Variants in TRPM3 observed in about 807,000 individuals in gnomAD.
TRPM3 encodes transient receptor potential cation channel subfamily M member 3.
Under a neutral mutation model 181.2 loss-of-function variants are expected in TRPM3, and 77 were observed. The observed-to-expected ratio is 0.42, with a 90% CI of 0.35 to 0.51. The LOEUF (loss-of-function observed/expected upper bound fraction) is 0.51. TRPM3 is among the 20% of genes least tolerant of loss of function. The probability of loss-of-function intolerance (pLI) is 0.01; values close to 1 mark genes in which losing one functional copy is unlikely to be tolerated. For missense variants in TRPM3, 1,759 were observed against 2,196.7 expected, an observed-to-expected ratio of 0.80 and a Z score of 3.98; for synonymous variants, 745 against 796.4, an observed-to-expected ratio of 0.94 and a Z score of 1.09.
intron 21 of TRPM3, among the ~76,000 whole-genome samples, chr9:70,592,976 C>T (rs1235374367): frequency 2.6e-5 from 4 of 152,094 alleles, no homozygotes; most frequent in Non-Finnish European, 2.9e-5. Flanking sequence ...GTGAGCCACC[C>T]GCCTCGGCCT....
At chr9:70,577,098 A>T (rs1361681566) in intron 22 of TRPM3, among the ~76,000 whole-genome samples, 2 of 152,160 alleles carry the variant, frequency 1.3e-5, no homozygotes, top group African/African-American at 4.8e-5. Flanking sequence ...GGCAGTTATG[A>T]CCACCCCAAA....
At chr9:71,408,715 C>A (rs542851647) in intron 1 of TRPM3, among the ~76,000 whole-genome samples, 2 of 152,224 alleles carry the variant, frequency 1.3e-5, no homozygotes, top group South Asian at 4.1e-4. Flanking sequence ...CCCAACCTAG[C>A]AAGGCAGGCC....
At chr9:70,670,457 G>A (rs940731678) in intron 9 of TRPM3, among the ~76,000 whole-genome samples, 1 of 152,156 alleles carries the variant, frequency 6.6e-6, no homozygotes, top group Non-Finnish European at 1.5e-5. Flanking sequence ...TCTGTTATTG[G>A]ACTGAGATCT....
intron 1 of TRPM3, among the ~76,000 whole-genome samples, chr9:70,926,533 T>C (rs1235620719): frequency 6.6e-6 from 1 of 152,174 alleles, no homozygotes; most frequent in East Asian, 1.9e-4. Context: ...GTTGAACTAC[T>C]TTAGATCTTA....
intron 1 of TRPM3, among the ~76,000 whole-genome samples, chr9:71,011,055 G>T (rs1054955614): frequency 1.3e-5 from 2 of 151,994 alleles, no homozygotes; most frequent in African/African-American, 4.8e-5. Flanking sequence ...AAATAAGCCA[G>T]GCACAGAAAG....
intron 1 of TRPM3, among the ~76,000 whole-genome samples, chr9:70,955,157 T>C (rs1342516990): frequency 6.6e-6 from 1 of 152,168 alleles, no homozygotes; most frequent in African/African-American, 2.4e-5. Context: ...TTACAGTCTT[T>C]TATGCTCGAG....
At chr9:71,395,991 A>G (rs915260215) in intron 1 of TRPM3, among the ~76,000 whole-genome samples, 3 of 152,188 alleles carry the variant, frequency 2.0e-5, no homozygotes, top group African/African-American at 7.2e-5. Flanking sequence ...AGAAAAGCTA[A>G]AAAAGCAAAA....
At chr9:71,190,505 C>G (rs777980635) in intron 1 of TRPM3, among the ~76,000 whole-genome samples, 1 of 151,790 alleles carries the variant, frequency 6.6e-6, no homozygotes, top group Non-Finnish European at 1.5e-5. Context: ...TATAAAATAT[C>G]TGAAAACATA....
chr9:70,834,009 T>C (rs1431580556), intron 5 of TRPM3, among the ~76,000 whole-genome samples: 1 of 152,056 alleles, frequency 6.6e-6, no homozygotes, highest in Non-Finnish European at 1.5e-5. Context: ...AAAGGATCTG[T>C]GGTTCCTCAC....
chr9:70,957,990 C>G (rs139087918), intron 1 of TRPM3, among the ~76,000 whole-genome samples: 10 of 152,308 alleles, frequency 6.6e-5, no homozygotes, highest in African/African-American at 2.2e-4. Flanking sequence ...GCTTTAGCAA[C>G]CAGAAAATTA....
intron 1 of TRPM3, among the ~76,000 whole-genome samples, chr9:71,372,622 C>CCA (rs1184414259): frequency 6.6e-6 from 1 of 152,036 alleles, no homozygotes; most frequent in African/African-American, 2.4e-5. Context: ...GAGCTTTTTA[C>CCA]CATATGCTTG....
chr9:70,823,139 C>A (rs1363150196), intron 6 of TRPM3, among the ~76,000 whole-genome samples: 1 of 152,160 alleles, frequency 6.6e-6, no homozygotes, highest in Admixed American at 6.5e-5. Flanking sequence ...CCCCCGACCC[C>A]ACGCACACAC....
chr9:71,030,767 C>T (rs933021501), intron 1 of TRPM3, among the ~76,000 whole-genome samples: 6 of 152,136 alleles, frequency 3.9e-5, no homozygotes, highest in African/African-American at 1.4e-4. Context: ...TGAATCCACA[C>T]TTAGGATTTA....
intron 7 of TRPM3, among the ~76,000 whole-genome samples, chr9:70,780,185 T>C (rs539401864): frequency 6.6e-6 from 1 of 152,308 alleles, no homozygotes; most frequent in African/African-American, 2.4e-5. Flanking sequence ...GGCTTTTTTT[T>C]ACTCCTTTAA....
At chr9:70,538,602 A>C (rs953371219) in intron 25 of TRPM3, among the ~76,000 whole-genome samples, 2 of 145,642 alleles carry the variant, frequency 1.4e-5, no homozygotes, top group African/African-American at 5.2e-5. Flanking sequence ...TGTTTTTTAA[A>C]TTTTTTGTAG....
intron 1 of TRPM3, among the ~76,000 whole-genome samples, chr9:71,033,508 C>T (rs1001424138): frequency 3.9e-5 from 6 of 152,048 alleles, no homozygotes; most frequent in Non-Finnish European, 7.4e-5. Context: ...ATAATAGACA[C>T]TGAAATAAAT....
At chr9:71,399,067 T>TA (rs999414420) in intron 1 of TRPM3, among the ~76,000 whole-genome samples, 2 of 152,052 alleles carry the variant, frequency 1.3e-5, no homozygotes, top group African/African-American at 4.8e-5. Flanking sequence ...ATTTATCTTC[T>TA]AAAAAAATCA....
At chr9:71,279,510 C>G (rs2084529385) in intron 1 of TRPM3, among the ~76,000 whole-genome samples, 1 of 152,162 alleles carries the variant, frequency 6.6e-6, no homozygotes, top group Non-Finnish European at 1.5e-5. Flanking sequence ...TTTTACCATG[C>G]ACATGTGTTT....
rs773837242 is a variant in TRPM3 at position 70,689,880 on chromosome 9, T to A, written c.1273-8302A>T. On this transcript the variant is annotated intron_variant, in intron 8 of 25. Transcript: ENST00000677713. ...CACCTAAATAACAAGACATAGTATA[T>A]GTGGCTGAGTTAGTCACAGACTTTC... Among the ~76,000 whole-genome samples, 4 of 152,294 alleles carry A rather than the reference T, an allele frequency of 2.6e-5. No individual in the cohort carries two copies. The South Asian group carries it at 8.3e-4, about 32-fold the overall frequency.
Sources: allele counts gnomAD v4.1 joint callset (sites outside exome capture counted in the v4.1 genomes callset), GRCh38; gene constraint gnomAD v4.1.1; transcripts MANE v1.5; gene names NCBI Gene and HGNC (gene_info 2026-07-23, HGNC 2026-07-21).